The following CCDC158 variants were observed in gnomAD, a reference collection of about 807,000 sequenced individuals.
The protein encoded by CCDC158 is coiled-coil domain-containing protein 158.
In CCDC158, 116 loss-of-function variants were observed where a neutral mutation model predicts 138.6. That is an observed-to-expected ratio of 0.84 (90% CI 0.72 to 0.98). The LOEUF is 0.98. Among genes scored for constraint, CCDC158 ranks in the 50% least tolerant of loss-of-function variants. The pLI, the probability that CCDC158 is intolerant of heterozygous loss-of-function variation, is 0.00. For missense variants in CCDC158, 1,265 were observed against 1,306.1 expected (o/e 0.97, Z 0.48); for synonymous variants, 436 against 442.4 (o/e 0.99, Z 0.18).
At chr4:76,352,435 T>A (rs1387231328) in intron 16 of CCDC158, 1 of 141,706 alleles carries the variant, frequency 7.1e-6, no homozygotes, top group Non-Finnish European at 1.5e-5. Context: ...AAATAAATTT[T>A]AAAAAATAAC....
At chr4:76,378,895 G>A (rs1455670839) in intron 9 of CCDC158, among the ~76,000 whole-genome samples, 1 of 152,054 alleles carries the variant, frequency 6.6e-6, no homozygotes, top group Non-Finnish European at 1.5e-5. Context: ...ATTCAGTTTG[G>A]TAGCTTCACA....
At chr4:76,366,638 A>ACACACACACAC (rs34680628) in intron 12 of CCDC158, among the ~76,000 whole-genome samples, 2,945 of 147,928 alleles carry the variant, frequency 0.02, 47 homozygotes, top group South Asian at 0.048. Flanking sequence ...CACACACACA[A>ACACACACACAC]ACACACACAC....
chr4:76,357,531 A>C lies in CCDC158; in HGVS notation c.2021-5T>G. 6.7e-7 allele frequency: 1 copy of C among 1,499,792 alleles called. No homozygotes were observed. The highest frequency in any genetic ancestry group is 9.0e-7 in the Non-Finnish European group (1 of 1,115,752). The allele number at this position is 1,499,792 out of a possible 1,614,324, so 92.9% of individuals were successfully genotyped here. ...TTTTTAAGACTTCATACTCCTCTAT[A>C]CAATGTGATAATCAATAATAGATGG... On this transcript the variant is annotated splice_region_variant and splice_polypyrimidine_tract_variant and intron_variant, in intron 13 of 24. Transcript: ENST00000682701.
chr4:76,357,571 C>A, intron 13 of CCDC158, 45 bp from the exon 14 acceptor site: 1 of 1,198,696 alleles, frequency 8.3e-7, no homozygotes, highest in South Asian at 2.1e-5. Context: ...TTTTTTCTAT[C>A]CCATTGTTAA....
chr4:76,405,549 A>G (rs943012973), intron 2 of CCDC158, among the ~76,000 whole-genome samples: 3 of 152,218 alleles, frequency 2.0e-5, no homozygotes, highest in Non-Finnish European at 2.9e-5. Flanking sequence ...CTGCAAGGGG[A>G]CTGATGGTGA....
intron 24 of CCDC158, among the ~76,000 whole-genome samples, chr4:76,320,424 A>T (rs1384156054): frequency 6.6e-6 from 1 of 152,210 alleles, no homozygotes; most frequent in Non-Finnish European, 1.5e-5. Flanking sequence ...CATTCTTCAC[A>T]GAACTGGAAA....
chr4:76,357,643 T>A, intron 13 of CCDC158, 117 bp from the exon 14 acceptor site: 1 of 628,974 alleles, frequency 1.6e-6, no homozygotes, highest in Non-Finnish European at 2.5e-6. Flanking sequence ...AGAAGTCATT[T>A]AATTACATCT....
At position 76,367,439 on chromosome 4, in the gene CCDC158, T is replaced by G; in HGVS notation, c.1685A>C (p.Lys562Thr). 1 of 1,614,272 alleles carries G rather than the reference T, an allele frequency of 6.2e-7. No individual in the cohort carries two copies. The highest frequency in any genetic ancestry group is 8.5e-7 in the Non-Finnish European group (1 of 1,180,050). The part of the protein sequence containing the change: ...ALKLQMTEKD[K>T]VIEILRQQIE... ...CTGCTGTCGCAGAATCTCGATCACC[T>G]TGTCCTTCTCTGTCATCTGCAGTTT... Residue 562 changes from lysine (K) to threonine (T), a missense_variant, in exon 12 of 25, where the codon AAG becomes ACG. Physicochemically the swap from Lys to Thr is moderately conservative, Grantham distance 78. Coordinates refer to ENST00000682701, the MANE Select transcript of CCDC158 (RefSeq NM_001394954.1).
At chr4:76,418,573 G>A (rs995617881) in intron 1 of CCDC158, among the ~76,000 whole-genome samples, 1 of 152,170 alleles carries the variant, frequency 6.6e-6, no homozygotes, top group Admixed American at 6.5e-5. Context: ...GGCTGGGGAG[G>A]CCTCACGATC....
At chr4:76,355,299 C>A in intron 15 of CCDC158, 25 bp downstream of exon 15, 1 of 1,459,436 alleles carries the variant, frequency 6.9e-7, no homozygotes, top group Non-Finnish European at 9.6e-7. Flanking sequence ...ATGTTGGTTT[C>A]CCCACTCTGA....
chr4:76,357,985 ATG>A (rs899745232), intron 13 of CCDC158, among the ~76,000 whole-genome samples: 17 of 108,152 alleles, frequency 1.6e-4, no homozygotes, highest in East Asian at 1.5e-3. Flanking sequence ...CAATACACAC[ATG>A]TGTGCACACA....
rs1468647587 is a variant in CCDC158 at position 76,351,741 on chromosome 4, A to C, written c.2517T>G (p.Leu839=). The C allele has an allele frequency of 1.8e-5, 29 of 1,611,690 alleles. No homozygotes were observed. Among genetic ancestry groups the C allele is most frequent in the Admixed American group, 1.2e-4 (7 of 59,992 alleles). ...TTACTTTTATATCCAAAGTGTGTTGAAGTTTTAAGCGCACTGATTCTTGCT... is the reference window on the plus strand; with the variant it reads ...TTACTTTTATATCCAAAGTGTGTTGCAGTTTTAAGCGCACTGATTCTTGCT... ...RQEQESVRLK[L]QHTLDIKELQ... Residue 839 remains leucine, a synonymous_variant, in exon 17 of 25, where the codon CTT becomes CTG. Coordinates refer to ENST00000682701, the MANE Select transcript of CCDC158 (RefSeq NM_001394954.1).
chr4:76,407,342 T>C (rs372213314), intron 2 of CCDC158: 5 of 152,132 alleles, frequency 3.3e-5, no homozygotes, highest in South Asian at 4.1e-4. Context: ...GGTAGGGAGA[T>C]ATTCCATAAA....
intron 24 of CCDC158, among the ~76,000 whole-genome samples, chr4:76,315,045 C>T (rs1719243704): frequency 6.6e-6 from 1 of 152,190 alleles, no homozygotes; most frequent in Non-Finnish European, 1.5e-5. Flanking sequence ...CCACCCCCAA[C>T]CACCACCCTG....
chr4:76,379,650 G>A (rs1414178585), intron 8 of CCDC158, among the ~76,000 whole-genome samples: 1 of 151,828 alleles, frequency 6.6e-6, no homozygotes, highest in Non-Finnish European at 1.5e-5. Context: ...GTATATGATA[G>A]AAAATGTCCA....
chr4:76,379,034 AT>A (rs138243275), intron 9 of CCDC158, among the ~76,000 whole-genome samples: 1 of 152,134 alleles, frequency 6.6e-6, no homozygotes, highest in East Asian at 1.9e-4. Flanking sequence ...AGATGGTCTC[AT>A]TTTTAATGCA....
chr4:76,366,766 T>C (rs1173232528), intron 12 of CCDC158, among the ~76,000 whole-genome samples: 1 of 152,096 alleles, frequency 6.6e-6, no homozygotes, highest in African/African-American at 2.4e-5. Context: ...AAATTTTAAA[T>C]TATTAAGTTA....
chr4:76,410,368 A>G (rs1474604437), intron 2 of CCDC158, among the ~76,000 whole-genome samples: 1 of 152,012 alleles, frequency 6.6e-6, no homozygotes, highest in Admixed American at 6.5e-5. Flanking sequence ...TATTTTTAGT[A>G]GAGATGGGGT....
chr4:76,318,269 A>T (rs1268308190), intron 24 of CCDC158, among the ~76,000 whole-genome samples: 3 of 152,180 alleles, frequency 2.0e-5, no homozygotes, highest in Non-Finnish European at 4.4e-5. Context: ...CATTAGTGAG[A>T]TTAACCAAGA....
Sources: allele counts gnomAD v4.1 joint callset (sites outside exome capture counted in the v4.1 genomes callset), GRCh38; gene constraint gnomAD v4.1.1; transcripts MANE v1.5; gene names NCBI Gene and HGNC (gene_info 2026-07-23, HGNC 2026-07-21).